The following HOMER2 variants were observed in gnomAD, a reference collection of about 807,000 sequenced individuals.
HOMER2 encodes homer scaffold protein 2.
Under a neutral mutation model 47.0 loss-of-function variants are expected in HOMER2, and 27 were observed. The ratio of observed to expected loss-of-function variants is 0.57; its 90% CI spans 0.42 to 0.79. The LOEUF (loss-of-function observed/expected upper bound fraction) is 0.79. Among genes scored for constraint, HOMER2 ranks in the 30% least tolerant of loss-of-function variants. The pLI is 0.00. For synonymous variants in HOMER2, 161 were observed against 163.8 expected (o/e 0.98, Z 0.13); for missense variants, 443 against 435.0 (o/e 1.02, Z -0.16).
At chr15:82,959,845 A>G (rs2054615932) in intron 1 of HOMER2, among the ~76,000 whole-genome samples, 1 of 152,192 alleles carries the variant, frequency 6.6e-6, no homozygotes, top group Non-Finnish European at 1.5e-5. Context: ...GGCTTGTATG[A>G]GATTTAGGGT....
intron 2 of HOMER2, among the ~76,000 whole-genome samples, chr15:82,876,976 C>T (rs1311075884): frequency 1.3e-5 from 2 of 152,162 alleles, no homozygotes; most frequent in African/African-American, 4.8e-5. Context: ...GCTGATAAGC[C>T]ACTGGCTCAA....
chr15:82,969,488 C>T (rs1475788976), intron 1 of HOMER2, among the ~76,000 whole-genome samples: 1 of 152,166 alleles, frequency 6.6e-6, no homozygotes, highest in Non-Finnish European at 1.5e-5. Context: ...TGAAATGTTT[C>T]CCTCTGAGAA....
intron 2 of HOMER2, among the ~76,000 whole-genome samples, chr15:82,882,434 C>A (rs957490038): frequency 6.6e-6 from 1 of 152,218 alleles, no homozygotes; most frequent in African/African-American, 2.4e-5. Flanking sequence ...CTCCTGGCAG[C>A]CCCAACACTG....
chr15:82,986,150 C>G (rs760772904), upstream of HOMER2: 135 of 981,284 alleles, frequency 1.4e-4, no homozygotes, highest in Non-Finnish European at 1.6e-4. Flanking sequence ...ACACGGAGAG[C>G]CTTAGTTATC....
At chr15:82,910,493 G>C (rs1258624401) in intron 1 of HOMER2, among the ~76,000 whole-genome samples, 1 of 152,200 alleles carries the variant, frequency 6.6e-6, no homozygotes, top group Non-Finnish European at 1.5e-5. Flanking sequence ...CATGATAAAT[G>C]ATTACATCTG....
At chr15:82,838,496 A>C (rs1474763927) in exon 2 of HOMER2, 4 of 152,336 alleles carry the variant, frequency 2.6e-5, no homozygotes, top group Non-Finnish European at 5.9e-5. Context: ...AGTTAAATGA[A>C]GTCATTGTGG....
At chr15:82,971,646 A>G (rs978493351) in intron 1 of HOMER2, among the ~76,000 whole-genome samples, 10 of 152,200 alleles carry the variant, frequency 6.6e-5, no homozygotes, top group Admixed American at 2.6e-4. Context: ...TAGATTTTAG[A>G]GGATTCTTGG....
chr15:82,952,236 G>T (rs2054521396), intron 1 of HOMER2, among the ~76,000 whole-genome samples: 2 of 152,258 alleles, frequency 1.3e-5, no homozygotes, highest in African/African-American at 4.8e-5. Flanking sequence ...GGCCGAGGCA[G>T]GAGGCCGGCC....
At chr15:82,875,070 C>T (rs767629591) in intron 3 of HOMER2, among the ~76,000 whole-genome samples, 1 of 152,180 alleles carries the variant, frequency 6.6e-6, no homozygotes, top group Admixed American at 6.5e-5. Flanking sequence ...TTGTTAGATA[C>T]GAATTTCCCT....
chr15:82,864,902 T>C (rs944977902), intron 3 of HOMER2, among the ~76,000 whole-genome samples: 1 of 152,252 alleles, frequency 6.6e-6, no homozygotes, highest in African/African-American at 2.4e-5. Flanking sequence ...GAACAGAGAA[T>C]AGCCTGTGAT....
At chr15:82,873,231 C>T (rs770208395) in intron 3 of HOMER2, among the ~76,000 whole-genome samples, 1 of 152,216 alleles carries the variant, frequency 6.6e-6, no homozygotes, top group Non-Finnish European at 1.5e-5. Flanking sequence ...AGCCAGCTCC[C>T]TGGTGAAGGC....
chr15:82,939,589 G>C (rs1464756040), intron 1 of HOMER2, among the ~76,000 whole-genome samples: 1 of 152,174 alleles, frequency 6.6e-6, no homozygotes, highest in African/African-American at 2.4e-5. Context: ...AAGATCGCTT[G>C]AACCTGGGAG....
chr15:82,903,405 G>A (rs922987445), intron 1 of HOMER2, among the ~76,000 whole-genome samples: 1 of 152,026 alleles, frequency 6.6e-6, no homozygotes, highest in Admixed American at 6.6e-5. Flanking sequence ...CTGAGGTCGG[G>A]AGTTTGAGAC....
intron 2 of HOMER2, among the ~76,000 whole-genome samples, chr15:82,876,886 A>G (rs1189735399): frequency 1.3e-5 from 2 of 152,252 alleles, no homozygotes; most frequent in Non-Finnish European, 2.9e-5. Flanking sequence ...CTAGACAGTA[A>G]GTGACAGCTG....
chr15:82,851,258 C>T (rs1264051193), intron 7 of HOMER2, 27 bp from the exon 8 acceptor site: 2 of 1,430,172 alleles, frequency 1.4e-6, no homozygotes, highest in South Asian at 2.4e-5. Flanking sequence ...TGAGATAGAA[C>T]ATGAAAGCAA....
chr15:82,866,336 G>A (rs1318304851), intron 3 of HOMER2, among the ~76,000 whole-genome samples: 1 of 152,192 alleles, frequency 6.6e-6, no homozygotes, highest in African/African-American at 2.4e-5. Flanking sequence ...TTTGGAATAG[G>A]TGTATTTACC....
At chr15:82,892,891 T>C (rs753985030) in intron 1 of HOMER2, 50 bp from the exon 2 acceptor site, 16 of 1,386,550 alleles carry the variant, frequency 1.2e-5, no homozygotes, top group Non-Finnish European at 9.6e-7. Flanking sequence ...ACTTAATGTA[T>C]AATTTATGAT....
intron 1 of HOMER2, among the ~76,000 whole-genome samples, chr15:82,915,143 GAA>G (rs200310453): frequency 0.012 from 1,621 of 133,614 alleles, 9 homozygotes; most frequent in Non-Finnish European, 0.018. Context: ...TTTTTTAATT[GAA>G]AAAAAAAAAA....
chr15:82,976,581 G>A (rs2030209766), intron 1 of HOMER2, among the ~76,000 whole-genome samples: 1 of 151,616 alleles, frequency 6.6e-6, no homozygotes, highest in African/African-American at 2.4e-5. Context: ...TTACAGGCAT[G>A]AGGCCACACT....
Sources: gnomAD v4.1 joint callset for allele counts (sites outside exome capture counted in the v4.1 genomes callset) on GRCh38, gnomAD v4.1.1 for gene constraint, MANE v1.5 for transcripts, NCBI Gene and HGNC (gene_info 2026-07-23, HGNC 2026-07-21) for gene names.